ARHGEF3: variants seen among roughly 807,000 people sequenced by gnomAD.
The protein encoded by ARHGEF3 is 59.8 kDA protein.
In ARHGEF3, 28 loss-of-function variants were observed where a neutral mutation model predicts 63.2. The observed-to-expected ratio is 0.44, with a 90% confidence interval of 0.33 to 0.61. ARHGEF3 has a LOEUF of 0.61. Among genes scored for constraint, ARHGEF3 ranks in the 20% least tolerant of loss-of-function variants. The pLI is 0.03. For synonymous variants in ARHGEF3, 266 were observed against 254.2 expected, an observed-to-expected ratio of 1.05 and a Z score of -0.44; for missense variants, 533 against 659.3, an observed-to-expected ratio of 0.81 and a Z score of 2.10.
intron 4 of ARHGEF3, among the ~76,000 whole-genome samples, chr3:56,812,466 T>C (rs1020428057): frequency 5.3e-5 from 8 of 152,214 alleles, no homozygotes; most frequent in Non-Finnish European, 1.0e-4. Flanking sequence ...GGACATCAAA[T>C]AGCTTATTTT....
intron 4 of ARHGEF3, among the ~76,000 whole-genome samples, chr3:56,821,198 AG>A (rs2038479577): frequency 6.6e-6 from 1 of 152,072 alleles, no homozygotes; most frequent in African/African-American, 2.4e-5. Flanking sequence ...GGTCCTTATC[AG>A]GTAGAGAGGT....
chr3:56,903,685 C>T (rs561303641), intron 3 of ARHGEF3, among the ~76,000 whole-genome samples: 8 of 152,232 alleles, frequency 5.3e-5, no homozygotes, highest in South Asian at 4.1e-4. Flanking sequence ...ATTTGTTTCC[C>T]GGTAGTTTAT....
chr3:56,910,137 C>T (rs763125159), intron 3 of ARHGEF3, among the ~76,000 whole-genome samples: 1 of 152,202 alleles, frequency 6.6e-6, no homozygotes, highest in Non-Finnish European at 1.5e-5. Context: ...ATCTCCTTTA[C>T]CCAACTCCAG....
chr3:56,899,262 G>C (rs2108303647), intron 3 of ARHGEF3, among the ~76,000 whole-genome samples: 1 of 152,308 alleles, frequency 6.6e-6, no homozygotes, highest in East Asian at 1.9e-4. Context: ...ATCTGAAGTG[G>C]CCTCGGCCAT....
intron 4 of ARHGEF3, among the ~76,000 whole-genome samples, chr3:56,881,609 A>G (rs1414485445): frequency 6.6e-6 from 1 of 152,216 alleles, no homozygotes; most frequent in Admixed American, 6.5e-5. Flanking sequence ...GTCAACTACC[A>G]AGACACTTGA....
chr3:56,849,478 G>C (rs77377549), intron 4 of ARHGEF3, among the ~76,000 whole-genome samples: 191 of 152,128 alleles, frequency 1.3e-3, no homozygotes, highest in African/African-American at 4.3e-3. Flanking sequence ...AGTAAAAATG[G>C]GAACAGTGAT....
At chr3:56,801,611 A>G (rs2037652093) in intron 1 of ARHGEF3, 92 bp downstream of exon 1, 2 of 1,451,498 alleles carry the variant, frequency 1.4e-6, no homozygotes, top group South Asian at 2.6e-5. Flanking sequence ...AAACAGAGAC[A>G]GTGACACTGG....
At chr3:56,863,461 G>C (rs953506509) in intron 4 of ARHGEF3, among the ~76,000 whole-genome samples, 1 of 152,070 alleles carries the variant, frequency 6.6e-6, no homozygotes, top group Non-Finnish European at 1.5e-5. Flanking sequence ...CACCATGCCC[G>C]GCTAATTTTC....
chr3:56,872,562 T>C (rs1578728950), intron 4 of ARHGEF3, among the ~76,000 whole-genome samples: 2 of 149,336 alleles, frequency 1.3e-5, no homozygotes, highest in South Asian at 2.1e-4. Flanking sequence ...CAGGCTGGAG[T>C]GCAGTGGCAC....
chr3:57,045,340 T>C (rs1020521889), intron 1 of ARHGEF3, among the ~76,000 whole-genome samples: 1 of 152,214 alleles, frequency 6.6e-6, no homozygotes, highest in African/African-American at 2.4e-5. Flanking sequence ...ATGCCTTTCA[T>C]GGACACTCAG....
chr3:56,844,891 C>G (rs769058034), intron 4 of ARHGEF3, among the ~76,000 whole-genome samples: 1 of 152,124 alleles, frequency 6.6e-6, no homozygotes, highest in Non-Finnish European at 1.5e-5. Context: ...TTTCTTCTAG[C>G]CATATAGAAC....
intron 4 of ARHGEF3, among the ~76,000 whole-genome samples, chr3:56,874,813 T>C (rs1056246838): frequency 6.6e-6 from 1 of 152,240 alleles, no homozygotes; most frequent in Non-Finnish European, 1.5e-5. Flanking sequence ...CGAACCATCC[T>C]GGGCTTAAAT....
chr3:56,938,748 G>C (rs1379536171), intron 3 of ARHGEF3: 2 of 152,242 alleles, frequency 1.3e-5, no homozygotes. Flanking sequence ...GTACAGACCA[G>C]GCGTACTTGT....
At chr3:56,731,000 C>T (rs2033112527) in intron 9 of ARHGEF3, among the ~76,000 whole-genome samples, 1 of 152,130 alleles carries the variant, frequency 6.6e-6, no homozygotes, top group East Asian at 1.9e-4. Flanking sequence ...AAACAAGAAC[C>T]TACTTTATAT....
chr3:56,852,894 C>A (rs1048803965), intron 4 of ARHGEF3, among the ~76,000 whole-genome samples: 2 of 152,168 alleles, frequency 1.3e-5, no homozygotes, highest in Admixed American at 1.3e-4. Context: ...AAAAAGGAAC[C>A]TTGTCTGCTC....
At chr3:56,760,443 T>C (rs2035354639) in intron 2 of ARHGEF3, among the ~76,000 whole-genome samples, 1 of 152,220 alleles carries the variant, frequency 6.6e-6, no homozygotes, top group African/African-American at 2.4e-5. Flanking sequence ...CAGTAAGCTG[T>C]ACTAGGTGAG....
At chr3:57,055,524 C>T (rs958417110) in intron 1 of ARHGEF3, among the ~76,000 whole-genome samples, 48 of 152,174 alleles carry the variant, frequency 3.2e-4, no homozygotes, top group Non-Finnish European at 3.4e-4. Flanking sequence ...TGTAGAAATT[C>T]TTCTTTATTA....
intron 6 of ARHGEF3, among the ~76,000 whole-genome samples, chr3:56,747,405 T>C (rs1188710168): frequency 6.6e-6 from 1 of 152,182 alleles, no homozygotes; most frequent in Non-Finnish European, 1.5e-5. Context: ...TTCCTGGGCA[T>C]GACCTGAAAG....
At chr3:56,785,957 C>T (rs2036784362) in intron 1 of ARHGEF3, among the ~76,000 whole-genome samples, 1 of 152,210 alleles carries the variant, frequency 6.6e-6, no homozygotes, top group East Asian at 1.9e-4. Context: ...TTTGAGCAGA[C>T]AGGCCTTGCA....
Sources: allele counts gnomAD v4.1 joint callset (sites outside exome capture counted in the v4.1 genomes callset), GRCh38; gene constraint gnomAD v4.1.1; transcripts MANE v1.5; gene names NCBI Gene and HGNC (gene_info 2026-07-23, HGNC 2026-07-21).